PPARGC1A: variants seen among roughly 807,000 people sequenced by gnomAD.
PPARGC1A encodes the protein peroxisome proliferator-activated receptor gamma coactivator 1-alpha.
Under a neutral mutation model 88.7 loss-of-function variants are expected in PPARGC1A, and 25 were observed. That is an observed-to-expected ratio of 0.28 (90% CI 0.21 to 0.39). The LOEUF (loss-of-function observed/expected upper bound fraction) is 0.39. Among genes scored for constraint, PPARGC1A ranks in the 10% least tolerant of loss-of-function variants. The probability of loss-of-function intolerance (pLI) is 1.00; values close to 1 mark genes in which losing one functional copy is unlikely to be tolerated. For synonymous variants in PPARGC1A, 363 were observed against 355.6 expected, an observed-to-expected ratio of 1.02 and a Z score of -0.24; for missense variants, 880 against 968.7, an observed-to-expected ratio of 0.91 and a Z score of 1.22.
chr4:24,374,185 T>C, the PPARGC1A span, among the ~76,000 whole-genome samples: 78 of 152,338 alleles, frequency 5.1e-4, no homozygotes, highest in African/African-American at 1.8e-3. Context: ...GATTTTTCCA[T>C]TTAGAAAAGC....
the PPARGC1A span, among the ~76,000 whole-genome samples, chr4:24,460,835 T>C: frequency 1.3e-5 from 2 of 152,194 alleles, no homozygotes; most frequent in Admixed American, 6.5e-5. Flanking sequence ...CCACAAAAAG[T>C]TTGGTAATTT....
chr4:24,319,984 G>A, the PPARGC1A span, among the ~76,000 whole-genome samples: 4 of 152,236 alleles, frequency 2.6e-5, no homozygotes, highest in African/African-American at 7.2e-5. Context: ...ACACAGGTGT[G>A]CCTCACATTA....
chr4:24,013,635 C>G, the PPARGC1A span, among the ~76,000 whole-genome samples: 1 of 152,052 alleles, frequency 6.6e-6, no homozygotes, highest in Non-Finnish European at 1.5e-5. Flanking sequence ...CTCAAATATT[C>G]CCTTGCTGTC....
the PPARGC1A span, among the ~76,000 whole-genome samples, chr4:24,385,532 T>C: frequency 2.0e-5 from 3 of 151,960 alleles, no homozygotes; most frequent in South Asian, 6.2e-4. Context: ...AAGACTCAAA[T>C]AGACACAATA....
the PPARGC1A span, among the ~76,000 whole-genome samples, chr4:24,296,056 A>G: frequency 2.0e-5 from 3 of 150,928 alleles, no homozygotes; most frequent in African/African-American, 7.3e-5. Context: ...GTGTATGTGT[A>G]TATATGTGTA....
the PPARGC1A span, among the ~76,000 whole-genome samples, chr4:24,466,971 A>AG: frequency 4.4e-4 from 46 of 104,604 alleles, no homozygotes; most frequent in Non-Finnish European, 6.7e-4. Context: ...AAAGAAAGAA[A>AG]GAGAAAGAAA....
At chr4:24,405,555 C>G in the PPARGC1A span, among the ~76,000 whole-genome samples, 7 of 152,174 alleles carry the variant, frequency 4.6e-5, no homozygotes, top group Non-Finnish European at 8.8e-5. Flanking sequence ...GGACATCAAT[C>G]TAGCGCAGCT....
chr4:24,401,555 C>T, the PPARGC1A span, among the ~76,000 whole-genome samples: 2 of 152,196 alleles, frequency 1.3e-5, no homozygotes. Flanking sequence ...TTAATGTTTA[C>T]TGAGCATGTA....
chr4:24,187,504 C>A, the PPARGC1A span, among the ~76,000 whole-genome samples: 1 of 152,136 alleles, frequency 6.6e-6, no homozygotes, highest in African/African-American at 2.4e-5. Context: ...CCTGGTTCTG[C>A]CATCAACTAC....
At chr4:24,448,770 C>T in the PPARGC1A span, among the ~76,000 whole-genome samples, 1 of 152,140 alleles carries the variant, frequency 6.6e-6, no homozygotes, top group Non-Finnish European at 1.5e-5. Context: ...CCCTGCATGT[C>T]TCACACACAC....
At chr4:24,213,553 A>T in the PPARGC1A span, among the ~76,000 whole-genome samples, 1 of 152,236 alleles carries the variant, frequency 6.6e-6, no homozygotes, top group South Asian at 2.1e-4. Context: ...CCTGATGTAT[A>T]GCTGTCCAGA....
At chr4:23,864,180 T>A (rs1037436543) in intron 2 of PPARGC1A, among the ~76,000 whole-genome samples, 2 of 152,210 alleles carry the variant, frequency 1.3e-5, no homozygotes, top group African/African-American at 4.8e-5. Context: ...CATGTTTCCT[T>A]AGTTTTTAAG....
chr4:24,225,283 A>G, the PPARGC1A span, among the ~76,000 whole-genome samples: 3 of 152,184 alleles, frequency 2.0e-5, no homozygotes, highest in African/African-American at 7.2e-5. Context: ...CTAAAGAGTG[A>G]CTAGGGCTGG....
chr4:23,863,403 C>A (rs944846228), intron 2 of PPARGC1A, among the ~76,000 whole-genome samples: 1 of 152,160 alleles, frequency 6.6e-6, no homozygotes, highest in Non-Finnish European at 1.5e-5. Context: ...ACTTCACATG[C>A]CTGGGCCTCA....
intron 2 of PPARGC1A, among the ~76,000 whole-genome samples, chr4:23,861,007 G>A (rs1577550389): frequency 6.6e-6 from 1 of 152,166 alleles, no homozygotes; most frequent in Non-Finnish European, 1.5e-5. Flanking sequence ...CAGTACAGCT[G>A]TTACCATAAT....
the PPARGC1A span, among the ~76,000 whole-genome samples, chr4:24,294,387 T>G: frequency 6.6e-6 from 1 of 152,210 alleles, no homozygotes; most frequent in Non-Finnish European, 1.5e-5. Context: ...AAGGCTTAAT[T>G]TTTATGAGCT....
At chr4:24,378,470 A>C in the PPARGC1A span, among the ~76,000 whole-genome samples, 1 of 151,652 alleles carries the variant, frequency 6.6e-6, no homozygotes, top group South Asian at 2.1e-4. Flanking sequence ...TACAACTTCA[A>C]TAACCATGGT....
intron 7 of PPARGC1A, among the ~76,000 whole-genome samples, chr4:23,818,889 G>A (rs1376913916): frequency 9.5e-6 from 1 of 104,990 alleles, no homozygotes; most frequent in African/African-American, 3.7e-5. Flanking sequence ...ACATTTTGCA[G>A]AATGTACTGC....
At chr4:24,304,566 G>A in the PPARGC1A span, among the ~76,000 whole-genome samples, 4 of 152,156 alleles carry the variant, frequency 2.6e-5, no homozygotes, top group South Asian at 8.3e-4. Context: ...TCAAACCCAG[G>A]TGGTCTGGCT....
Sources: allele counts gnomAD v4.1 joint callset (sites outside exome capture counted in the v4.1 genomes callset), GRCh38; gene constraint gnomAD v4.1.1; transcripts MANE v1.5; gene names NCBI Gene and HGNC (gene_info 2026-07-23, HGNC 2026-07-21).